The following POU6F2 variants were observed in gnomAD, a reference collection of about 807,000 sequenced individuals.
The protein encoded by POU6F2 is POU domain, class 6, transcription factor 2.
In POU6F2, 31 loss-of-function variants were observed where a neutral mutation model predicts 71.3. The ratio of observed to expected loss-of-function variants is 0.43; its 90% CI spans 0.33 to 0.59. The LOEUF is 0.59. POU6F2 is among the 20% of genes least tolerant of loss of function. The pLI, the probability that POU6F2 is intolerant of heterozygous loss-of-function variation, is 0.04. For missense variants in POU6F2, 783 were observed against 856.8 expected, an observed-to-expected ratio of 0.91 and a Z score of 1.07; for synonymous variants, 347 against 355.7, an observed-to-expected ratio of 0.98 and a Z score of 0.27.
At chr7:39,015,227 TTATATATCTGTATTA>T (rs1008436258) in intron 1 of POU6F2, among the ~76,000 whole-genome samples, 12 of 145,576 alleles carry the variant, frequency 8.2e-5, no homozygotes, top group East Asian at 2.0e-4. Flanking sequence ...TATGTATATA[TTATATATCTGTATTA>T]TATATATCTA....
intron 4 of POU6F2, among the ~76,000 whole-genome samples, chr7:39,219,447 T>G (rs549106156): frequency 1.3e-5 from 2 of 152,154 alleles, no homozygotes; most frequent in Non-Finnish European, 2.9e-5. Context: ...TAAAGAACCT[T>G]TGGGTCATGC....
intron 4 of POU6F2, among the ~76,000 whole-genome samples, chr7:39,282,394 A>G (rs949734933): frequency 1.3e-5 from 2 of 151,948 alleles, no homozygotes; most frequent in African/African-American, 4.8e-5. Context: ...CATTTCCTCT[A>G]TGTTTTCTTC....
chr7:39,458,370 AC>A (rs1264110078), intron 8 of POU6F2, among the ~76,000 whole-genome samples: 2 of 143,234 alleles, frequency 1.4e-5, no homozygotes, highest in Non-Finnish European at 3.0e-5. Flanking sequence ...ATAAATGTTT[AC>A]ATGTTAGCAA....
intron 2 of POU6F2, among the ~76,000 whole-genome samples, chr7:39,198,384 T>G (rs866861584): frequency 6.6e-6 from 1 of 152,256 alleles, no homozygotes; most frequent in African/African-American, 2.4e-5. Context: ...AATCTCCCTT[T>G]GGCTTTTCAT....
At chr7:38,978,836 G>A (rs144387160) in intron 1 of POU6F2, among the ~76,000 whole-genome samples, 61 of 152,278 alleles carry the variant, frequency 4.0e-4, no homozygotes, top group African/African-American at 1.3e-3. Context: ...CCGCTCTGTC[G>A]TCTTTGTCTT....
intron 2 of POU6F2, among the ~76,000 whole-genome samples, chr7:39,152,621 G>T (rs1410675524): frequency 6.6e-6 from 1 of 152,026 alleles, no homozygotes; most frequent in Non-Finnish European, 1.5e-5. Flanking sequence ...TGCCAGAGTG[G>T]AAATCACTCC....
At chr7:39,195,177 T>C (rs527392438) in intron 2 of POU6F2, among the ~76,000 whole-genome samples, 2 of 152,310 alleles carry the variant, frequency 1.3e-5, no homozygotes, top group African/African-American at 4.8e-5. Flanking sequence ...TTAATTTGAC[T>C]GCACTGTGAA....
rs540579373 is a variant in POU6F2, at chr7:39,258,888, G to A, written c.598+51268G>A. Among the ~76,000 whole-genome samples, 32 of 152,252 alleles carry A rather than the reference G, an allele frequency of 2.1e-4. No individual in the cohort carries two copies. The South Asian group carries it at 6.4e-3, about 31-fold the overall frequency. On this transcript the variant is annotated intron_variant, in intron 4 of 9. Transcript: ENST00000518318. ...CTGAAAAGAAAGGAAGCTAATTGCA[G>A]GCCATTTGTAACTGTTAGGAATGGG...
intron 1 of POU6F2, among the ~76,000 whole-genome samples, chr7:39,030,698 C>G (rs1789922376): frequency 6.6e-6 from 1 of 150,806 alleles, no homozygotes; most frequent in African/African-American, 2.4e-5. Context: ...ACATTTTCAA[C>G]TCTTTGGGGG....
Position 39,339,898 on chromosome 7 carries a change from C to T in POU6F2, c.855C>T (p.His285=). ...PQPQQHQPHS[H]SQNQNQPSPT... is the part of the protein sequence containing the mutation. ...CCCAGCAGCACCAACCCCACTCCCA[C>T]TCCCAGAACCAGAACCAACCATCTC... The change falls in exon 5 of 10, where the codon CAC becomes CAT. Residue 285 remains histidine, a synonymous_variant. Transcript: ENST00000518318. The T allele has an allele frequency of 4.3e-6, 7 of 1,613,958 alleles. No individual in the cohort carries two copies. The highest frequency in any genetic ancestry group is 5.9e-6 in the Non-Finnish European group (7 of 1,179,872).
At chr7:39,122,887 T>C (rs13311981) in intron 2 of POU6F2, among the ~76,000 whole-genome samples, 7 of 152,158 alleles carry the variant, frequency 4.6e-5, no homozygotes, top group African/African-American at 1.7e-4. Flanking sequence ...TTTGTATTTT[T>C]AGTAGAGACG....
intron 2 of POU6F2, among the ~76,000 whole-genome samples, chr7:39,184,968 G>A (rs1227792413): frequency 6.6e-6 from 1 of 152,146 alleles, no homozygotes; most frequent in Non-Finnish European, 1.5e-5. Context: ...TTATTGACTG[G>A]TCTGTTAACT....
In POU6F2 at chr7:39,225,773, G is replaced by T. The variant is rs188329220; in HGVS notation, c.598+18153G>T. 3.7e-3 allele frequency among the ~76,000 whole-genome samples: 569 copies of T among 152,278 alleles called. 6 individuals are homozygous for T. The highest frequency in any genetic ancestry group is 0.022 in the South Asian group (105 of 4,826). On this transcript the variant is annotated intron_variant, in intron 4 of 9. Transcript: ENST00000518318. ...ATGTAATAGATGTATGTGAATGTGC[G>T]TGTGTTCTTCAGCAAAACTGTTGTA...
At chr7:39,394,617 C>T (rs1390398788) in intron 5 of POU6F2, among the ~76,000 whole-genome samples, 1 of 152,162 alleles carries the variant, frequency 6.6e-6, no homozygotes, top group Non-Finnish European at 1.5e-5. Context: ...CTTAGGTGTG[C>T]TGTGGACATT....
At chr7:39,154,539 GTCT>G (rs1358148208) in intron 2 of POU6F2, among the ~76,000 whole-genome samples, 5 of 152,128 alleles carry the variant, frequency 3.3e-5, no homozygotes, top group Non-Finnish European at 7.4e-5. Flanking sequence ...TTATGCCTTG[GTCT>G]TCTCTATAGT....
chr7:39,177,948 C>CT (rs1312921593), intron 2 of POU6F2, among the ~76,000 whole-genome samples: 3 of 152,124 alleles, frequency 2.0e-5, no homozygotes. Flanking sequence ...CTGTATCAGT[C>CT]TTTTTTAAGC....
chr7:39,286,011 A>G (rs1452557605), intron 4 of POU6F2, among the ~76,000 whole-genome samples: 1 of 152,234 alleles, frequency 6.6e-6, no homozygotes, highest in Non-Finnish European at 1.5e-5. Flanking sequence ...AAAAGGGTGA[A>G]TAGGAGTCCA....
chr7:39,068,261 A>G (rs1474584984), intron 1 of POU6F2, among the ~76,000 whole-genome samples: 1 of 152,126 alleles, frequency 6.6e-6, no homozygotes, highest in Middle Eastern at 3.2e-3. Context: ...AAATTCTAAT[A>G]CTTTCTCACT....
intron 8 of POU6F2, among the ~76,000 whole-genome samples, chr7:39,455,831 G>T (rs1310006663): frequency 2.6e-5 from 4 of 152,100 alleles, no homozygotes; most frequent in South Asian, 4.1e-4. Flanking sequence ...CTACAAAGCA[G>T]GTTTGTTTTC....
Sources: allele counts gnomAD v4.1 joint callset (sites outside exome capture counted in the v4.1 genomes callset), GRCh38; gene constraint gnomAD v4.1.1; transcripts MANE v1.5; gene names NCBI Gene and HGNC (gene_info 2026-07-23, HGNC 2026-07-21).